GOLIM4: variants seen among roughly 807,000 people sequenced by gnomAD.
GOLIM4 encodes 130 kDa golgi-localized phosphoprotein.
In GOLIM4, 71 loss-of-function variants were observed where a neutral mutation model predicts 107.4. The observed-to-expected ratio is 0.66, with a 90% CI of 0.55 to 0.81. GOLIM4 has a LOEUF of 0.81. GOLIM4 is among the 30% of genes least tolerant of loss of function. The probability of loss-of-function intolerance (pLI) is 0.00; values close to 1 mark genes in which losing one functional copy is unlikely to be tolerated. For missense variants in GOLIM4, 830 were observed against 826.1 expected, an observed-to-expected ratio of 1.00 and a Z score of -0.06; for synonymous variants, 327 against 294.8, an observed-to-expected ratio of 1.11 and a Z score of -1.12.
chr3:168,042,007 C>T (rs1206010057), intron 5 of GOLIM4, among the ~76,000 whole-genome samples: 1 of 151,970 alleles, frequency 6.6e-6, no homozygotes, highest in African/African-American at 2.4e-5. Flanking sequence ...TTTTGAAATG[C>T]TATATTATAG....
intron 1 of GOLIM4, among the ~76,000 whole-genome samples, chr3:168,093,439 A>G (rs924118703): frequency 3.3e-5 from 5 of 152,182 alleles, no homozygotes. Context: ...TGAAAATGAC[A>G]GCCTTTGCCC....
chr3:168,089,601 G>A (rs528562744), intron 1 of GOLIM4, among the ~76,000 whole-genome samples: 193 of 152,194 alleles, frequency 1.3e-3, no homozygotes, highest in African/African-American at 4.2e-3. Context: ...TCAAATCCAA[G>A]TGCTCTGACG....
chr3:168,059,478 C>G (rs1398303746), intron 1 of GOLIM4, among the ~76,000 whole-genome samples: 1 of 152,162 alleles, frequency 6.6e-6, no homozygotes, highest in Admixed American at 6.5e-5. Flanking sequence ...TTTAAGATCT[C>G]TTAGTCTTAT....
intron 1 of GOLIM4, among the ~76,000 whole-genome samples, chr3:168,077,222 C>T (rs919117052): frequency 1.3e-5 from 2 of 152,200 alleles, no homozygotes; most frequent in African/African-American, 4.8e-5. Context: ...TGTAATGATA[C>T]ATCCACATTC....
At chr3:168,054,846 A>G (rs945248040) in intron 1 of GOLIM4, among the ~76,000 whole-genome samples, 8 of 152,032 alleles carry the variant, frequency 5.3e-5, no homozygotes, top group Non-Finnish European at 8.8e-5. Flanking sequence ...CCAGTGGGAG[A>G]TAATTTAATC....
rs144687068 is a variant in GOLIM4 at position 168,045,508 on chromosome 3, G to A, written c.313-627C>T. ...GAGCCTAAGTCTCTGGCTGAACTGC[G>A]TGTCCTGAGCTCCAGGTTCCAGGGG... On this transcript the variant is annotated intron_variant, in intron 3 of 15. Transcript: ENST00000470487. 3.1e-3 allele frequency among the ~76,000 whole-genome samples: 474 copies of A among 152,242 alleles called. 1 individual carries two copies. The highest frequency in any genetic ancestry group is 0.014 in the East Asian group (70 of 5,178).
chr3:168,051,702 T>C (rs576855516), intron 1 of GOLIM4, among the ~76,000 whole-genome samples: 9 of 152,324 alleles, frequency 5.9e-5, no homozygotes, highest in Admixed American at 2.0e-4. Context: ...TACTCAGAAC[T>C]GGACAAGCCG....
chr3:168,029,869 T>A lies in GOLIM4; in HGVS notation c.1344A>T (p.Glu448Asp). 2 of 1,614,034 alleles carry A rather than the reference T, an allele frequency of 1.2e-6. No individual in the cohort carries two copies. The highest frequency in any genetic ancestry group is 1.7e-6 in the Non-Finnish European group (2 of 1,179,998). ...CTCTTGCCACCTGCTGCTGCTGCTGTTCCTGCTGCCGTAGTAAGTGCCCCT... is the reference window on the plus strand; with the variant it reads ...CTCTTGCCACCTGCTGCTGCTGCTGATCCTGCTGCCGTAGTAAGTGCCCCT... ...RLQGHLLRQQ[E>D]QQQQQVAREM... The change falls in exon 10 of 16, where the codon GAA (glutamate) becomes GAT (aspartate). Residue 448 changes from glutamate (E) to aspartate (D), a missense_variant. Transcript: ENST00000470487.
intron 6 of GOLIM4, 30 bp downstream of exon 6, chr3:168,041,362 T>C: frequency 1.5e-6 from 2 of 1,292,346 alleles, no homozygotes; most frequent in Non-Finnish European, 2.2e-6. Context: ...AGGCAAACAC[T>C]AAATAGTGAA....
intron 1 of GOLIM4, among the ~76,000 whole-genome samples, chr3:168,079,715 A>G (rs559687518): frequency 6.6e-6 from 1 of 152,288 alleles, no homozygotes; most frequent in South Asian, 2.1e-4. Flanking sequence ...AAAAAGGGAA[A>G]GATTTCTTAG....
intron 1 of GOLIM4, among the ~76,000 whole-genome samples, chr3:168,065,703 T>C (rs1720513608): frequency 6.6e-6 from 1 of 152,152 alleles, no homozygotes; most frequent in Non-Finnish European, 1.5e-5. Context: ...GCATATTTGG[T>C]GGACAACCTG....
In GOLIM4 at chr3:168,009,426, C is replaced by CAGACAAAAAAAAAAAAA. The variant is rs201375757; in HGVS notation, c.*842_*843insTTTTTTTTTTTTTGTCT. The stretch of plus-strand genomic sequence containing the variant: ...AAACAAGAATATCAATCAATGGCTT[C>CAGACAAAAAAAAAAAAA]AAACAAAAAAAAAAAAAAAAAATTG... On this transcript the variant is annotated 3_prime_UTR_variant, in exon 16 of 16. Transcript: ENST00000470487. 1 of 8,734 alleles carries CAGACAAAAAAAAAAAAA rather than the reference C, an allele frequency of 1.1e-4. No individual in the cohort carries two copies. Among genetic ancestry groups the CAGACAAAAAAAAAAAAA allele is most frequent in the African/African-American group, 1.5e-4 (1 of 6,554 alleles). 0.5% of individuals were successfully genotyped at this position (8,734 alleles called of 1,614,324 possible).
At chr3:168,015,662 A>G (rs1459720503) in intron 14 of GOLIM4, among the ~76,000 whole-genome samples, 1 of 136,570 alleles carries the variant, frequency 7.3e-6, no homozygotes, top group Non-Finnish European at 1.5e-5. Flanking sequence ...TACAGTAACC[A>G]AAACAGCATG....
chr3:168,029,405 A>C, intron 10 of GOLIM4, 103 bp from the exon 11 acceptor site: 6 of 710,704 alleles, frequency 8.4e-6, no homozygotes, highest in African/African-American at 1.8e-5. Flanking sequence ...AATGTTTCTC[A>C]ACATTTTTAA....
At chr3:168,075,386 T>A (rs1330334462) in intron 1 of GOLIM4, among the ~76,000 whole-genome samples, 1 of 131,902 alleles carries the variant, frequency 7.6e-6, no homozygotes, top group Non-Finnish European at 1.6e-5. Context: ...AAGCTCCGCC[T>A]CCCGGGTTCA....
At chr3:168,012,258 C>T (rs147840306) in intron 14 of GOLIM4, among the ~76,000 whole-genome samples, 5,380 of 135,528 alleles carry the variant, frequency 0.04, 153 homozygotes, top group Non-Finnish European at 0.06. Flanking sequence ...GCCTCAGGAG[C>T]CGATGCAATC....
chr3:168,095,325 C>T lies in GOLIM4; in HGVS notation c.-40G>A. 1 of 1,579,314 alleles carries T rather than the reference C, an allele frequency of 6.3e-7. No homozygotes were observed. ...CCAAAGCCGCGGCCGCCCCCGCCGT[C>T]TCCTCCCCTTGGTCCGAGCGAGCGT... On this transcript the variant is annotated 5_prime_UTR_variant, in exon 1 of 16. Coordinates refer to ENST00000470487, the MANE Select transcript of GOLIM4 (RefSeq NM_014498.5).
chr3:168,060,145 G>A (rs1486336595), intron 1 of GOLIM4, among the ~76,000 whole-genome samples: 52 of 151,140 alleles, frequency 3.4e-4, no homozygotes, highest in Non-Finnish European at 2.9e-5. Context: ...ATGTTGCCTA[G>A]GCTGGACATG....
At chr3:168,055,183 T>C (rs913222737) in intron 1 of GOLIM4, among the ~76,000 whole-genome samples, 4 of 152,124 alleles carry the variant, frequency 2.6e-5, no homozygotes, top group Non-Finnish European at 4.4e-5. Flanking sequence ...ACTTTGGAAC[T>C]GGGTAACAAG....
Sources: gnomAD v4.1 joint callset for allele counts (sites outside exome capture counted in the v4.1 genomes callset) on GRCh38, gnomAD v4.1.1 for gene constraint, MANE v1.5 for transcripts, NCBI Gene and HGNC (gene_info 2026-07-23, HGNC 2026-07-21) for gene names.